The following RYR3 variants were observed in gnomAD, a reference collection of about 807,000 sequenced individuals.
RYR3 encodes ryanodine receptor 3.
Under a neutral mutation model 584.3 loss-of-function variants are expected in RYR3, and 207 were observed. The observed-to-expected ratio is 0.35, with a 90% CI of 0.32 to 0.40. The LOEUF is 0.40. Ranked by LOEUF, RYR3 falls within the 10% of genes least tolerant of loss-of-function variation. The pLI, the probability that RYR3 is intolerant of heterozygous loss-of-function variation, is 1.00. For synonymous variants in RYR3, 2,416 were observed against 2,248.5 expected, an observed-to-expected ratio of 1.07 and a Z score of -2.11; for missense variants, 5,616 against 6,089.2, an observed-to-expected ratio of 0.92 and a Z score of 2.59.
Position 33,729,013 on chromosome 15 carries a change from CCT to C in RYR3, c.7195_7196del (p.Leu2399ArgfsTer16). ...TTTTTACCTGACCTAAGAGCTTCTG[CCT>C]CTCTAGATACAGTAAGTTGCAAAAA... On this transcript the variant is annotated frameshift_variant, in exon 47 of 104. Transcript: ENST00000634891. LOFTEE classifies it high-confidence loss of function. 6.2e-7 allele frequency: 1 copy of C among 1,613,678 alleles called. No individual in the cohort carries two copies. Among genetic ancestry groups the C allele is most frequent in the Non-Finnish European group, 8.5e-7 (1 of 1,179,750 alleles).
intron 1 of RYR3, among the ~76,000 whole-genome samples, chr15:33,340,674 C>T (rs1205906552): frequency 6.6e-6 from 1 of 152,162 alleles, no homozygotes; most frequent in Non-Finnish European, 1.5e-5. Context: ...CTTACAGGGA[C>T]ACTAGTCCTA....
chr15:33,672,032 T>C (rs2063878482), intron 38 of RYR3, among the ~76,000 whole-genome samples: 1 of 152,052 alleles, frequency 6.6e-6, no homozygotes, highest in South Asian at 2.1e-4. Context: ...CAGGTTGGTC[T>C]CGAACTTTTG....
chr15:33,807,100 C>A (rs1271701819), intron 69 of RYR3, among the ~76,000 whole-genome samples: 1 of 152,062 alleles, frequency 6.6e-6, no homozygotes, highest in Non-Finnish European at 1.5e-5. Flanking sequence ...GTCAGTTCTC[C>A]CCTCTCTGTA....
chr15:33,814,032 T>C (rs555182498), intron 74 of RYR3, among the ~76,000 whole-genome samples: 4 of 152,384 alleles, frequency 2.6e-5, no homozygotes, highest in Non-Finnish European at 5.9e-5. Context: ...GAAAATCTTT[T>C]AGCACAGTGT....
chr15:33,516,910 A>C (rs1179349051), intron 3 of RYR3, among the ~76,000 whole-genome samples: 1 of 152,212 alleles, frequency 6.6e-6, no homozygotes, highest in East Asian at 1.9e-4. Flanking sequence ...GAACCAATAA[A>C]GAATAACCTG....
chr15:33,465,662 TGGCTACTGTGTGGA>T, intron 1 of RYR3: 1 of 513,452 alleles, frequency 1.9e-6, no homozygotes, highest in South Asian at 1.4e-5. Context: ...TAAAAGACTC[TGGCTACTGTGTGGA>T]GGACAGCAGT....
At chr15:33,362,464 C>G (rs1243208098) in intron 1 of RYR3, among the ~76,000 whole-genome samples, 2 of 152,184 alleles carry the variant, frequency 1.3e-5, no homozygotes, top group Middle Eastern at 3.2e-3. Context: ...ATCATCATCT[C>G]ATCACCACCA....
Position 33,696,201 on chromosome 15 carries a change from T to C in RYR3, c.5861-17T>C. The C allele has an allele frequency of 6.2e-7, 1 of 1,610,176 alleles. No individual in the cohort carries two copies. Among genetic ancestry groups the C allele is most frequent in the Non-Finnish European group, 8.5e-7 (1 of 1,177,642 alleles). On this transcript the variant is annotated splice_polypyrimidine_tract_variant and intron_variant, in intron 38 of 103. Coordinates refer to ENST00000634891, the MANE Select transcript of RYR3 (RefSeq NM_001036.6). ...CCATGACAGCCACAGTCCTGCTCCC[T>C]CCTGTTGTCCTTCCAGCAACATTGA...
intron 36 of RYR3, among the ~76,000 whole-genome samples, chr15:33,666,378 A>G (rs1365400257): frequency 2.6e-5 from 4 of 152,160 alleles, no homozygotes; most frequent in African/African-American, 9.7e-5. Context: ...GTTTTCAGGT[A>G]ATGCTGATAC....
chr15:33,550,390 C>A, intron 10 of RYR3, 74 bp downstream of exon 10: 1 of 1,421,814 alleles, frequency 7.0e-7, no homozygotes, highest in Non-Finnish European at 9.5e-7. Flanking sequence ...AGAACTATAA[C>A]TGGAAAAGAA....
intron 1 of RYR3, among the ~76,000 whole-genome samples, chr15:33,336,447 A>AAG (rs1971017224): frequency 5.0e-5 from 1 of 19,990 alleles, no homozygotes; most frequent in Admixed American, 3.9e-4. Context: ...AGAAAGAGAG[A>AAG]GAGAGAGAGA....
intron 1 of RYR3, among the ~76,000 whole-genome samples, chr15:33,321,772 A>G (rs1259203510): frequency 6.6e-6 from 1 of 152,338 alleles, no homozygotes; most frequent in East Asian, 1.9e-4. Flanking sequence ...CTCCTTAAAG[A>G]AAGGAGAGTT....
At chr15:33,407,970 T>C (rs1238046762) in intron 1 of RYR3, among the ~76,000 whole-genome samples, 1 of 149,234 alleles carries the variant, frequency 6.7e-6, no homozygotes, top group Non-Finnish European at 1.5e-5. Context: ...GGTTGCCTTA[T>C]TTGGAAAAGG....
chr15:33,411,066 T>G (rs1368178783), intron 1 of RYR3, among the ~76,000 whole-genome samples: 1 of 152,158 alleles, frequency 6.6e-6, no homozygotes, highest in East Asian at 1.9e-4. Flanking sequence ...TTATTACAAT[T>G]CAAGGTGAGA....
intron 1 of RYR3, among the ~76,000 whole-genome samples, chr15:33,318,286 A>C (rs530054423): frequency 4.5e-4 from 68 of 152,372 alleles, no homozygotes; most frequent in Middle Eastern, 3.4e-3. Flanking sequence ...AAAAGTGTAG[A>C]GATGAAAGTC....
chr15:33,814,384 A>T (rs1208849976), intron 74 of RYR3, among the ~76,000 whole-genome samples: 4 of 152,238 alleles, frequency 2.6e-5, no homozygotes, highest in Non-Finnish European at 4.4e-5. Flanking sequence ...GAATATTCTC[A>T]CTTGCTCAGG....
intron 74 of RYR3, 63 bp downstream of exon 74, chr15:33,813,642 C>A: frequency 3.2e-6 from 4 of 1,257,910 alleles, no homozygotes; most frequent in South Asian, 1.2e-5. Context: ...TATCCTCCCA[C>A]AGCTGTGCTC....
At chr15:33,485,952 G>C (rs2050382135) in intron 2 of RYR3, among the ~76,000 whole-genome samples, 1 of 152,160 alleles carries the variant, frequency 6.6e-6, no homozygotes, top group Non-Finnish European at 1.5e-5. Flanking sequence ...AGTAGGGAGA[G>C]TAGTTTAATG....
intron 48 of RYR3, among the ~76,000 whole-genome samples, chr15:33,735,656 A>G (rs1430830047): frequency 6.6e-6 from 1 of 152,224 alleles, no homozygotes; most frequent in Non-Finnish European, 1.5e-5. Context: ...TATTTGTGCC[A>G]TGAACTCTGT....
Sources: allele counts gnomAD v4.1 joint callset (sites outside exome capture counted in the v4.1 genomes callset), GRCh38; gene constraint gnomAD v4.1.1; transcripts MANE v1.5; gene names NCBI Gene and HGNC (gene_info 2026-07-23, HGNC 2026-07-21).